Variants in TNPO1 observed in about 807,000 individuals in gnomAD.
The protein encoded by TNPO1 is transportin-1.
In TNPO1, 8 loss-of-function variants were observed where a neutral mutation model predicts 119.5. The observed-to-expected ratio is 0.07, with a 90% CI of 0.04 to 0.12. The LOEUF is 0.12. TNPO1 is among the 10% of genes least tolerant of loss of function. The pLI is 1.00. For missense variants in TNPO1, 576 were observed against 1,089.8 expected (o/e 0.53, Z 6.64); for synonymous variants, 362 against 363.0 (o/e 1.00, Z 0.03).
chr5:72,854,225 G>A (rs1006096714), intron 3 of TNPO1, among the ~76,000 whole-genome samples: 1 of 152,104 alleles, frequency 6.6e-6, no homozygotes, highest in African/African-American at 2.4e-5. Flanking sequence ...ATTTTTGTTT[G>A]TTTTGTTTTG....
chr5:72,862,992 T>TGTGTGTGTGTG (rs1746580660), intron 5 of TNPO1, among the ~76,000 whole-genome samples: 1 of 144,772 alleles, frequency 6.9e-6, no homozygotes, highest in African/African-American at 2.6e-5. Context: ...CTGTGGGTTT[T>TGTGTGTGTGTG]TGTGTGTGTG....
intron 6 of TNPO1, among the ~76,000 whole-genome samples, chr5:72,866,040 TG>T (rs1746864890): frequency 8.9e-6 from 1 of 112,904 alleles, no homozygotes; most frequent in Non-Finnish European, 2.0e-5. Context: ...GTGGGTTTTT[TG>T]TTTTTGTTTT....
chr5:72,875,294 G>A (rs556504447), intron 7 of TNPO1, among the ~76,000 whole-genome samples: 1 of 152,222 alleles, frequency 6.6e-6, no homozygotes, highest in African/African-American at 2.4e-5. Flanking sequence ...GGGTTGGTAG[G>A]GAATAGTCTT....
intron 4 of TNPO1, among the ~76,000 whole-genome samples, chr5:72,860,862 T>C (rs1007953034): frequency 1.3e-5 from 2 of 152,210 alleles, no homozygotes; most frequent in African/African-American, 4.8e-5. Context: ...TGTTAAGTGC[T>C]GCTAACGTTT....
intron 9 of TNPO1, 64 bp from the exon 10 acceptor site, chr5:72,882,403 A>T: frequency 7.9e-7 from 1 of 1,260,198 alleles, no homozygotes; most frequent in Non-Finnish European, 1.1e-6. Context: ...ATGTAAGGTT[A>T]AGACTTATTA....
Position 72,914,122 on chromosome 5 carries a change from C to A in TNPO1, c.*5449C>A. 6.6e-6 allele frequency: 1 copy of A among 152,592 alleles called. No homozygotes were observed. Among genetic ancestry groups the A allele is most frequent in the East Asian group, 1.9e-4 (1 of 5,196 alleles). 9.5% of individuals were successfully genotyped at this position (152,592 alleles called of 1,614,324 possible). A position where few individuals can be genotyped will look rare whatever the true frequency, so the allele number is the denominator to read the frequency against. On this transcript the variant is annotated 3_prime_UTR_variant, in exon 25 of 25. Transcript: ENST00000337273. ...AGAATGTGTCCTTCAAACATATCCT[C>A]CTGCAACTTCTCAAACTGTACTAAA...
chr5:72,896,529 G>T lies in TNPO1; in HGVS notation c.2215G>T (p.Ala739Ser). The change falls in exon 19 of 25, where the codon GCA becomes TCA. Residue 739 changes from alanine to serine, a missense_variant. By Grantham distance (99) the Ala-to-Ser change is moderately conservative. Coordinates refer to ENST00000337273, the MANE Select transcript of TNPO1 (RefSeq NM_002270.4). The stretch of plus-strand genomic sequence containing the variant: ...TTCAGTCTGCAACAATGCCACATGG[G>T]CAATTGGAGAAATCTCCATTCAAAT... Reference protein sequence around the residue: ...FISVCNNATWAIGEISIQMGI... With the variant: ...FISVCNNATWSIGEISIQMGI... 1 of 1,611,516 alleles carries T rather than the reference G, an allele frequency of 6.2e-7. No homozygotes were observed. Among genetic ancestry groups the T allele is most frequent in the Non-Finnish European group, 8.5e-7 (1 of 1,179,554 alleles).
intron 15 of TNPO1, 109 bp downstream of exon 15, chr5:72,892,005 G>A (rs529811858): frequency 2.7e-5 from 21 of 786,748 alleles, no homozygotes; most frequent in Non-Finnish European, 4.0e-5. Flanking sequence ...TGAAGTAGAC[G>A]GAGGAAATTA....
At position 72,855,791 on chromosome 5, in the gene TNPO1, T is replaced by C. The variant is rs750465903; in HGVS notation, c.223T>C (p.Leu75=). 4 of 1,608,914 alleles carry C rather than the reference T, an allele frequency of 2.5e-6. No homozygotes were observed. The highest frequency in any genetic ancestry group is 3.4e-6 in the Non-Finnish European group (4 of 1,177,892). The change falls in exon 4 of 25, where the codon TTG becomes CTG. Residue 75 remains leucine (L), a synonymous_variant. Transcript: ENST00000337273. The stretch of plus-strand genomic sequence containing the variant: ...TATTACAGATGAACCCACAAGATCA[T>C]TGAGTGGTCTTATCTTGAAGAATAA... ...LKSEDEPTRS[L]SGLILKNNVK...
At chr5:72,878,866 G>A in intron 9 of TNPO1, 1 of 470,818 alleles carries the variant, frequency 2.1e-6, no homozygotes, top group Admixed American at 2.4e-5. Flanking sequence ...CTTTTCGTTA[G>A]TTTAAATCCT....
intron 14 of TNPO1, among the ~76,000 whole-genome samples, chr5:72,890,936 C>G (rs1334248411): frequency 6.6e-6 from 1 of 152,042 alleles, no homozygotes; most frequent in Admixed American, 6.5e-5. Context: ...TCATTGCAAC[C>G]TCCACCTCCC....
rs1041949331 is a variant in TNPO1 at position 72,912,066 on chromosome 5, C to T, written c.*3393C>T. On this transcript the variant is annotated 3_prime_UTR_variant, in exon 25 of 25. Coordinates refer to ENST00000337273, the MANE Select transcript of TNPO1 (RefSeq NM_002270.4). ...GTCTAATCTCTTCAATGACTTCATA[C>T]TGTGTAAAAAAAAATCACTTTTTAA... is the stretch of plus-strand genomic sequence containing the variant. 1.1e-4 allele frequency: 17 copies of T among 150,754 alleles called. No homozygotes were observed. Among genetic ancestry groups the T allele is most frequent in the African/African-American group, 4.3e-4 (17 of 39,842 alleles). The allele number at this position is 150,754 out of a possible 1,614,324, so 9.3% of individuals were successfully genotyped here.
chr5:72,828,766 T>C (rs539171707), intron 1 of TNPO1, among the ~76,000 whole-genome samples: 3 of 152,290 alleles, frequency 2.0e-5, no homozygotes, highest in South Asian at 4.1e-4. Flanking sequence ...TAGGATTTTA[T>C]GCTATATTTA....
chr5:72,874,529 T>G (rs1367530668), intron 7 of TNPO1, among the ~76,000 whole-genome samples: 1 of 152,210 alleles, frequency 6.6e-6, no homozygotes, highest in Non-Finnish European at 1.5e-5. Flanking sequence ...GATGTACTGT[T>G]AATGGCAATG....
Position 72,897,109 on chromosome 5 carries a change from A to G in TNPO1, c.2296A>G (p.Ile766Val). The change falls in exon 20 of 25, where the codon ATT becomes GTT. Residue 766 changes from isoleucine (I) to valine (V), a missense_variant. Transcript: ENST00000337273. ...PMVLHQLVEI[I>V]NRPNTPKTLL... is the part of the protein sequence containing the mutation. ...GGTGTTGCACCAGCTTGTAGAAATC[A>G]TTAACAGACCCAACACACCAAAGAC... 4 of 1,612,396 alleles carry G rather than the reference A, an allele frequency of 2.5e-6. No homozygotes were observed. The highest frequency in any genetic ancestry group is 1.7e-5 in the Admixed American group (1 of 59,504).
chr5:72,871,640 GACT>G (rs1747412517), intron 6 of TNPO1: 1 of 152,240 alleles, frequency 6.6e-6, no homozygotes, highest in African/African-American at 2.4e-5. Flanking sequence ...TTTGTGCAAA[GACT>G]GAACAAAGTA....
chr5:72,883,005 T>C (rs1748359769), intron 10 of TNPO1, 59 bp from the exon 11 acceptor site: 3 of 1,187,162 alleles, frequency 2.5e-6, no homozygotes, highest in African/African-American at 3.0e-5. Context: ...CTCTTACTCA[T>C]GTACATACTA....
chr5:72,875,400 ACT>A (rs1747685640), intron 7 of TNPO1, among the ~76,000 whole-genome samples: 1 of 152,202 alleles, frequency 6.6e-6, no homozygotes, highest in Non-Finnish European at 1.5e-5. Context: ...AGCTGATTGT[ACT>A]CTATCAGAAA....
At chr5:72,896,601 G>A (rs1330830855) in intron 19 of TNPO1, 45 bp downstream of exon 19, 2 of 1,498,604 alleles carry the variant, frequency 1.3e-6, no homozygotes, top group Non-Finnish European at 1.8e-6. Context: ...CTGGCGCGGT[G>A]GCTCACGCCT....
Sources: allele counts gnomAD v4.1 joint callset (sites outside exome capture counted in the v4.1 genomes callset), GRCh38; gene constraint gnomAD v4.1.1; transcripts MANE v1.5; gene names NCBI Gene and HGNC (gene_info 2026-07-23, HGNC 2026-07-21).